SERPINB4: variants seen among roughly 807,000 people sequenced by gnomAD.
SERPINB4 encodes serpin B4.
Under a neutral mutation model 33.2 loss-of-function variants are expected in SERPINB4, and 39 were observed. The ratio of observed to expected loss-of-function variants is 1.18; its 90% CI spans 0.91 to 1.53. SERPINB4 has a LOEUF of 1.53. Among genes scored for constraint, SERPINB4 ranks in the 40% most tolerant of loss-of-function variants. The pLI is 0.00. For missense variants in SERPINB4, 564 were observed against 455.4 expected, an observed-to-expected ratio of 1.24 and a Z score of -2.17; for synonymous variants, 191 against 166.4, an observed-to-expected ratio of 1.15 and a Z score of -1.14.
intron 7 of SERPINB4, among the ~76,000 whole-genome samples, chr18:63,638,711 A>T (rs1003093573): frequency 1.3e-5 from 2 of 150,682 alleles, no homozygotes; most frequent in Non-Finnish European, 3.0e-5. Flanking sequence ...TAATAAATTA[A>T]TCATTAACTA....
rs1175577775 is a variant in SERPINB4, at chr18:63,637,325, G to A, written c.*394C>T. On this transcript the variant is annotated 3_prime_UTR_variant, in exon 8 of 8. Coordinates refer to ENST00000341074, the MANE Select transcript of SERPINB4 (RefSeq NM_002974.4). ...ATCACAAAATTTAGAAACATAAGAAGGATTTAGGTATCACCTAAATTCAAA... is the reference window on the plus strand; with the variant it reads ...ATCACAAAATTTAGAAACATAAGAAAGATTTAGGTATCACCTAAATTCAAA... The A allele has an allele frequency of 6.3e-6, 1 of 159,946 alleles. No homozygotes were observed. Among genetic ancestry groups the A allele is most frequent in the Non-Finnish European group, 1.4e-5 (1 of 73,684 alleles). The allele number at this position is 159,946 out of a possible 1,614,324, so 9.9% of individuals were successfully genotyped here.
Position 63,638,035 on chromosome 18 carries a change from C to A in SERPINB4, c.857G>T (p.Arg286Leu), listed in dbSNP as rs144158243. 3.7e-6 allele frequency: 6 copies of A among 1,613,400 alleles called. No individual in the cohort carries two copies. In the East Asian group the frequency reaches 6.7e-5, roughly 18 times the overall value. Residue 286 changes from arginine (R) to leucine (L), a missense_variant, in exon 8 of 8, where the codon CGG (arginine) becomes CTG (leucine). Arg to Leu is a moderately radical substitution (Grantham distance 102). Transcript: ENST00000341074. ...GTCATAGCTCTCTTCCATTTTGAACCGAGGTAAGTGTAAATCGACACATGT... is the reference window on the plus strand; with the variant it reads ...GTCATAGCTCTCTTCCATTTTGAACAGAGGTAAGTGTAAATCGACACATGT... ...RETCVDLHLP[R>L]FKMEESYDLK...
rs779806426 is a variant in SERPINB4 at position 63,643,410 on chromosome 18, T to G, written c.165+3A>C. ...AGGACAACGTAATGATGCTGATAGC[T>G]ACCTTGCTAATTTGTTGTGCAGTGT... On this transcript the variant is annotated splice_donor_region_variant and intron_variant, in intron 2 of 7. Coordinates refer to ENST00000341074, the MANE Select transcript of SERPINB4 (RefSeq NM_002974.4). 1 of 1,613,648 alleles carries G rather than the reference T, an allele frequency of 6.2e-7. No individual in the cohort carries two copies. The highest frequency in any genetic ancestry group is 2.2e-5 in the East Asian group (1 of 44,864).
intron 7 of SERPINB4, among the ~76,000 whole-genome samples, chr18:63,638,352 G>C (rs569082376): frequency 6.6e-6 from 1 of 151,552 alleles, no homozygotes; most frequent in Non-Finnish European, 1.5e-5. Flanking sequence ...ACAGAATCAT[G>C]TTTTTACGTA....
intron 4 of SERPINB4, among the ~76,000 whole-genome samples, chr18:63,641,419 A>C (rs1295019034): frequency 6.6e-6 from 1 of 152,064 alleles, no homozygotes; most frequent in Non-Finnish European, 1.5e-5. Flanking sequence ...CATTCCAATA[A>C]TATCCCATTA....
Position 63,639,730 on chromosome 18 carries a change from C to A in SERPINB4, c.516G>T (p.Thr172=). 6.2e-7 allele frequency: 1 copy of A among 1,611,408 alleles called. No individual in the cohort carries two copies. The highest frequency in any genetic ancestry group is 8.5e-7 in the Non-Finnish European group (1 of 1,177,974). Residue 172 remains threonine, a synonymous_variant, in exon 6 of 8, where the codon ACG becomes ACT. Transcript: ENST00000341074. Reference sequence around the variant, plus strand: ...AGATTGCGTTCACAAGAACCAGTGTCGTATCATTGCCAATAGTCCCATCAG... The same window carrying A: ...AGATTGCGTTCACAAGAACCAGTGTAGTATCATTGCCAATAGTCCCATCAG... ...LFPDGTIGND[T]TLVLVNAIYF...
intron 7 of SERPINB4, among the ~76,000 whole-genome samples, chr18:63,638,903 T>C (rs1036121704): frequency 4.8e-4 from 73 of 151,578 alleles, no homozygotes; most frequent in African/African-American, 1.7e-3. Context: ...ATGGCACATG[T>C]ATACATATGT....
chr18:63,639,529 C>T, intron 6 of SERPINB4, 105 bp downstream of exon 6: 2 of 1,029,308 alleles, frequency 1.9e-6, no homozygotes, highest in East Asian at 2.6e-5. Flanking sequence ...AAATAACAGA[C>T]ATGAACAATT....
Position 63,637,809 on chromosome 18 carries a change from T to C in SERPINB4, c.1083A>G (p.Glu361=). 1 of 1,613,574 alleles carries C rather than the reference T, an allele frequency of 6.2e-7. No homozygotes were observed. The highest frequency in any genetic ancestry group is 8.5e-7 in the Non-Finnish European group (1 of 1,179,692). The change falls in exon 8 of 8, where the codon GAA becomes GAG. Residue 361 remains glutamate (E), a synonymous_variant. Transcript: ENST00000341074. The part of the protein sequence containing the change: ...VVELSSPSTN[E]EFCCNHPFLF... ...GGAAAGGGTGATTACAACAGAACTC[T>C]TCATTAGTTGAAGGAGATGATAATT...
chr18:63,641,106 T>C (rs573006804), intron 4 of SERPINB4, 115 bp from the exon 5 acceptor site: 1 of 799,696 alleles, frequency 1.3e-6, no homozygotes, highest in East Asian at 2.5e-5. Context: ...ATAGATGCAG[T>C]ATCTCCTGTC....
In SERPINB4 at chr18:63,643,511, T is replaced by C; in HGVS notation, c.67A>G (p.Lys23Glu). The change falls in exon 2 of 8, where the codon AAA (lysine) becomes GAA (glutamate). Residue 23 changes from lysine (K) to glutamate (E), a missense_variant. By Grantham distance (56) the Lys-to-Glu change is moderately conservative. Transcript: ENST00000341074. ...GGGGAATAGAAGATGTTGTTCTCTT[T>C]TGATTTTCTGAACTGTTGGAACAGA... ...FDLFQQFRKS[K>E]ENNIFYSPIS... The C allele has an allele frequency of 6.2e-7, 1 of 1,613,768 alleles. No individual in the cohort carries two copies. The highest frequency in any genetic ancestry group is 1.7e-4 in the Middle Eastern group (1 of 6,058).
Position 63,637,656 on chromosome 18 carries a change from A to G in SERPINB4, c.*63T>C. 4 of 1,482,446 alleles carry G rather than the reference A, an allele frequency of 2.7e-6. No homozygotes were observed. In the South Asian group the frequency reaches 4.1e-5, roughly 15 times the overall value. The allele number at this position is 1,482,446 out of a possible 1,614,324, so 91.8% of individuals were successfully genotyped here. The stretch of plus-strand genomic sequence containing the variant: ...GCCAAGAGAATCTGTTGTTGCCAGC[A>G]ATCAGTTTACCAGAACACCTCTAGG... On this transcript the variant is annotated 3_prime_UTR_variant, in exon 8 of 8. Coordinates refer to ENST00000341074, the MANE Select transcript of SERPINB4 (RefSeq NM_002974.4).
chr18:63,637,450 A>G lies in SERPINB4; in HGVS notation c.*269T>C, dbSNP rs1912960436. ...AACAGAATTATATTTCAAATTTAGA[A>G]GACACGGTATTAAATGATTCATCTT... On this transcript the variant is annotated 3_prime_UTR_variant, in exon 8 of 8. Transcript: ENST00000341074. The G allele has an allele frequency of 3.1e-6, 1 of 326,782 alleles. No homozygotes were observed. Among genetic ancestry groups the G allele is most frequent in the Non-Finnish European group, 5.5e-6 (1 of 180,384 alleles). The allele number at this position is 326,782 out of a possible 1,614,324, so 20.2% of individuals were successfully genotyped here.
chr18:63,643,665 C>T, intron 1 of SERPINB4, 62 bp from the exon 2 acceptor site: 1 of 1,507,486 alleles, frequency 6.6e-7, no homozygotes, highest in Non-Finnish European at 9.0e-7. Context: ...TTTTGTAGTA[C>T]AATTTTCTTA....
intron 4 of SERPINB4, 124 bp downstream of exon 4, chr18:63,641,636 A>T: frequency 7.0e-7 from 1 of 1,432,364 alleles, no homozygotes; most frequent in South Asian, 1.2e-5. Context: ...GAGCTAATGC[A>T]CTCTGAGTAA....
rs149002798 is a variant in SERPINB4, at chr18:63,637,727, A to T, written c.1165T>A (p.Ser389Thr). 5 of 1,603,778 alleles carry T rather than the reference A, an allele frequency of 3.1e-6. No homozygotes were observed. Among genetic ancestry groups the T allele is most frequent in the Non-Finnish European group, 4.3e-6 (5 of 1,174,562 alleles). ...NSILFYGRFS[S>T]P Reference sequence around the variant, plus strand: ...TGACAGACTAATTGCATCTATGGGGATGAGAATCTGCCATAGAAGAGGATG... The same window carrying T: ...TGACAGACTAATTGCATCTATGGGGTTGAGAATCTGCCATAGAAGAGGATG... Residue 389 changes from serine (S) to threonine (T), a missense_variant, in exon 8 of 8, where the codon TCC (serine) becomes ACC (threonine). Ser to Thr is a moderately conservative substitution (Grantham distance 58). Coordinates refer to ENST00000341074, the MANE Select transcript of SERPINB4 (RefSeq NM_002974.4).
chr18:63,643,453 A>G lies in SERPINB4; in HGVS notation c.125T>C (p.Leu42Pro). The G allele has an allele frequency of 6.2e-7, 1 of 1,613,778 alleles. No homozygotes were observed. The highest frequency in any genetic ancestry group is 8.5e-7 in the Non-Finnish European group (1 of 1,179,768). ...ISITSALGMV[L>P]LGAKDNTAQQ... is the part of the protein sequence containing the mutation. Reference sequence around the variant, plus strand: ...TGCAGTGTTGTCTTTGGCTCCTAAGAGGACCATCCCTAATGCTGATGTGAT... The same window carrying G: ...TGCAGTGTTGTCTTTGGCTCCTAAGGGGACCATCCCTAATGCTGATGTGAT... Residue 42 changes from leucine to proline, a missense_variant, in exon 2 of 8, where the codon CTC (leucine) becomes CCC (proline). Physicochemically the swap from Leu to Pro is moderately conservative, Grantham distance 98 (BLOSUM62 -3). Transcript: ENST00000341074.
chr18:63,641,735 A>T (rs375645676), intron 4 of SERPINB4, 25 bp downstream of exon 4: 3 of 1,612,982 alleles, frequency 1.9e-6, no homozygotes, highest in Non-Finnish European at 1.7e-6. Context: ...TGCAAATGAA[A>T]TGTGGGTAGG....
intron 3 of SERPINB4, 105 bp from the exon 4 acceptor site, chr18:63,641,993 A>G (rs1913150572): frequency 6.6e-7 from 1 of 1,513,026 alleles, no homozygotes; most frequent in Non-Finnish European, 9.0e-7. Flanking sequence ...AGTCTCATTG[A>G]GGACCTTTGA....
Sources: gnomAD v4.1 joint callset for allele counts (sites outside exome capture counted in the v4.1 genomes callset) on GRCh38, gnomAD v4.1.1 for gene constraint, MANE v1.5 for transcripts, NCBI Gene and HGNC (gene_info 2026-07-23, HGNC 2026-07-21) for gene names.